The following NPAS3 variants were observed in gnomAD, a reference collection of about 807,000 sequenced individuals.
NPAS3 encodes neuronal PAS domain protein 3, also known as neuronal PAS domain-containing protein 3.
Under a neutral mutation model 73.1 loss-of-function variants are expected in NPAS3, and 14 were observed. The observed-to-expected ratio is 0.19, with a 90% CI of 0.13 to 0.30. NPAS3 has a LOEUF of 0.30. NPAS3 is among the 10% of genes least tolerant of loss of function. NPAS3 has a pLI of 1.00. For missense variants in NPAS3, 1,096 were observed against 1,250.0 expected, an observed-to-expected ratio of 0.88 and a Z score of 1.86; for synonymous variants, 620 against 541.5, an observed-to-expected ratio of 1.14 and a Z score of -2.01.
At chr14:32,968,099 A>T (rs1595113580) in intron 1 of NPAS3, among the ~76,000 whole-genome samples, 1 of 152,004 alleles carries the variant, frequency 6.6e-6, no homozygotes, top group Non-Finnish European at 1.5e-5. Flanking sequence ...GGGGCAGGGG[A>T]TGGGGAGAGG....
chr14:33,158,926 G>T (rs1338931678), intron 2 of NPAS3, among the ~76,000 whole-genome samples: 2 of 152,168 alleles, frequency 1.3e-5, no homozygotes, highest in Non-Finnish European at 2.9e-5. Flanking sequence ...ACTTTGAGAG[G>T]CTAAGGTGGG....
chr14:33,576,430 T>A (rs533046895), intron 5 of NPAS3, among the ~76,000 whole-genome samples: 1 of 152,310 alleles, frequency 6.6e-6, no homozygotes, highest in Admixed American at 6.5e-5. Flanking sequence ...GCTTGTTGAA[T>A]GATGTGCTAA....
chr14:33,521,986 G>A (rs1181376752), intron 4 of NPAS3, among the ~76,000 whole-genome samples: 2 of 152,114 alleles, frequency 1.3e-5, no homozygotes, highest in East Asian at 3.9e-4. Context: ...CCCTTTGGAA[G>A]CCTCTTGCTG....
chr14:33,385,289 G>T (rs1338242397), intron 4 of NPAS3, among the ~76,000 whole-genome samples: 1 of 152,074 alleles, frequency 6.6e-6, no homozygotes, highest in African/African-American at 2.4e-5. Flanking sequence ...GTGCTGTGGA[G>T]AAACTGCCAC....
At chr14:33,719,301 G>A (rs2061041508) in intron 6 of NPAS3, among the ~76,000 whole-genome samples, 1 of 152,146 alleles carries the variant, frequency 6.6e-6, no homozygotes, top group South Asian at 2.1e-4. Context: ...AGATTATCGA[G>A]CATTGCAATT....
chr14:33,519,401 A>G (rs1436623733), intron 4 of NPAS3, among the ~76,000 whole-genome samples: 1 of 151,988 alleles, frequency 6.6e-6, no homozygotes, highest in Non-Finnish European at 1.5e-5. Context: ...ACACTCAAAC[A>G]TTAGTTGCCT....
At chr14:33,779,231 T>G (rs1229525523) in intron 9 of NPAS3, among the ~76,000 whole-genome samples, 1 of 152,160 alleles carries the variant, frequency 6.6e-6, no homozygotes, top group Non-Finnish European at 1.5e-5. Context: ...AGACCTTCTG[T>G]GCATGTGAGC....
intron 4 of NPAS3, among the ~76,000 whole-genome samples, chr14:33,374,005 T>C (rs1317886948): frequency 6.6e-6 from 1 of 152,130 alleles, no homozygotes; most frequent in African/African-American, 2.4e-5. Flanking sequence ...AACCCTCTTG[T>C]TCAGGACACA....
intron 4 of NPAS3, among the ~76,000 whole-genome samples, chr14:33,539,048 C>A (rs1241121040): frequency 3.3e-5 from 5 of 151,968 alleles, no homozygotes; most frequent in African/African-American, 1.2e-4. Flanking sequence ...CTTTGTGTAT[C>A]CTGCGGAGGG....
At chr14:33,068,652 A>C (rs1014953558) in intron 2 of NPAS3, among the ~76,000 whole-genome samples, 1 of 152,194 alleles carries the variant, frequency 6.6e-6, no homozygotes, top group Admixed American at 6.5e-5. Flanking sequence ...AAAATACAGA[A>C]GGTTAAGAAG....
chr14:32,936,577 T>C (rs906262150), upstream of NPAS3, among the ~76,000 whole-genome samples: 15 of 152,176 alleles, frequency 9.9e-5, no homozygotes, highest in Non-Finnish European at 1.2e-4. Context: ...GTGCAGGCAA[T>C]GGTCACAATA....
intron 4 of NPAS3, among the ~76,000 whole-genome samples, chr14:33,492,377 G>A (rs564420792): frequency 6.6e-6 from 1 of 152,254 alleles, no homozygotes; most frequent in South Asian, 2.1e-4. Context: ...ACTGTCACAG[G>A]TAACATGCTT....
At chr14:33,801,639 C>A (rs1295393668), downstream of NPAS3, 1 of 152,106 alleles carries the variant, frequency 6.6e-6, no homozygotes, top group African/African-American at 2.4e-5. Flanking sequence ...GAATTTAATT[C>A]TCTTTTTACG....
At chr14:33,500,389 A>C (rs1595038604) in intron 4 of NPAS3, among the ~76,000 whole-genome samples, 2 of 151,856 alleles carry the variant, frequency 1.3e-5, no homozygotes, top group South Asian at 2.1e-4. Context: ...AGATAAGGGG[A>C]ACAAGGAAGT....
intron 3 of NPAS3, among the ~76,000 whole-genome samples, chr14:33,302,911 C>CT (rs527786607): frequency 0.049 from 7,003 of 143,670 alleles, 156 homozygotes; most frequent in Non-Finnish European, 0.064. Context: ...GCCTCTCTCT[C>CT]TTTTTTTTTT....
intron 1 of NPAS3, among the ~76,000 whole-genome samples, chr14:32,951,850 T>A (rs2036495918): frequency 6.6e-6 from 1 of 152,076 alleles, no homozygotes; most frequent in Non-Finnish European, 1.5e-5. Flanking sequence ...AAAAGCACTT[T>A]CTCCTAATTC....
chr14:33,800,629 GGGC>G lies in NPAS3; in HGVS notation c.2329_2331del (p.Gly777del), dbSNP rs765973551. ...GCGGGGGCGGGGGCGGCGGCGCGGGGGGCGGCGGCCCCAGCGCGTCCAACTCCT... is the reference window on the plus strand; with the variant it reads ...GCGGGGGCGGGGGCGGCGGCGCGGGGGGCGGCCCCAGCGCGTCCAACTCCT... On this transcript the variant is annotated inframe_deletion, in exon 12 of 12. Transcript: ENST00000356141. The surrounding 1 kb of genome is among the most constrained non-coding windows in gnomAD (Gnocchi z 6.5). 1 of 1,386,584 alleles carries G rather than the reference GGGC, an allele frequency of 7.2e-7. No individual in the cohort carries two copies. The allele number at this position is 1,386,584 out of a possible 1,614,324, so 85.9% of individuals were successfully genotyped here.
At position 33,093,738 on chromosome 14, in the gene NPAS3, G is replaced by A. The variant is rs576458501; in HGVS notation, c.140+37744G>A. Among the ~76,000 whole-genome samples, 101 of 152,262 alleles carry A rather than the reference G, an allele frequency of 6.6e-4. 1 individual carries two copies. The South Asian group carries it at 0.02, about 30-fold the overall frequency. ...TCGACCCAAATGTCCATCAGTGATA[G>A]ACTGGATTAAGAAAATGTAGCACAT... On this transcript the variant is annotated intron_variant, in intron 2 of 11. Transcript: ENST00000356141.
At chr14:33,026,276 C>T (rs2039798697) in intron 1 of NPAS3, among the ~76,000 whole-genome samples, 1 of 152,202 alleles carries the variant, frequency 6.6e-6, no homozygotes, top group South Asian at 2.1e-4. Flanking sequence ...ATCTCAGATA[C>T]CTCAAGTTTG....
Sources: allele counts gnomAD v4.1 joint callset (sites outside exome capture counted in the v4.1 genomes callset), GRCh38; gene constraint gnomAD v4.1.1; non-coding constraint Gnocchi (gnomAD v3.1); transcripts MANE v1.5; gene names NCBI Gene and HGNC (gene_info 2026-07-23, HGNC 2026-07-21).